Variants in HSP90AA1 observed in about 807,000 individuals in gnomAD.
The protein encoded by HSP90AA1 is heat shock protein 90 alpha family class A member 1.
Under a neutral mutation model 73.3 loss-of-function variants are expected in HSP90AA1, and 18 were observed. The ratio of observed to expected loss-of-function variants is 0.25; its 90% CI spans 0.17 to 0.36. The LOEUF is 0.36. Among genes scored for constraint, HSP90AA1 ranks in the 10% least tolerant of loss-of-function variants. The pLI, the probability that HSP90AA1 is intolerant of heterozygous loss-of-function variation, is 1.00. For missense variants in HSP90AA1, 704 were observed against 874.2 expected (o/e 0.81, Z 2.45); for synonymous variants, 477 against 296.9 (o/e 1.61, Z -6.24).
At chr14:102,133,991 A>C (rs750901283) in intron 1 of HSP90AA1, among the ~76,000 whole-genome samples, 2 of 151,904 alleles carry the variant, frequency 1.3e-5, no homozygotes, top group Non-Finnish European at 2.9e-5. Flanking sequence ...TCTCTACTAA[A>C]AATACAAAAA....
At chr14:102,108,019 C>A (rs374711964) in intron 1 of HSP90AA1, among the ~76,000 whole-genome samples, 1 of 151,334 alleles carries the variant, frequency 6.6e-6, no homozygotes, top group East Asian at 1.9e-4. Context: ...AATACCAGCA[C>A]TTTGGGACGC....
intron 6 of HSP90AA1, 131 bp downstream of exon 6, chr14:102,084,268 A>C (rs2049168986): frequency 1.2e-6 from 1 of 837,234 alleles, no homozygotes; most frequent in Non-Finnish European, 2.0e-6. Flanking sequence ...CTGGTCTTGA[A>C]CTCCTGACCT....
intron 1 of HSP90AA1, among the ~76,000 whole-genome samples, chr14:102,106,806 A>G (rs1467522929): frequency 1.3e-5 from 2 of 151,936 alleles, no homozygotes; most frequent in Non-Finnish European, 2.9e-5. Flanking sequence ...GGCCTCCCAA[A>G]GTGCAAGGAT....
intron 1 of HSP90AA1, among the ~76,000 whole-genome samples, chr14:102,131,946 G>A (rs1279495295): frequency 1.3e-5 from 2 of 152,172 alleles, no homozygotes; most frequent in East Asian, 3.8e-4. Flanking sequence ...TCAAAAATGT[G>A]AGAATACAGG....
rs768456667 is a variant in HSP90AA1 at position 102,084,448 on chromosome 14, G to A, written c.1098C>T (p.Arg366=). The A allele has an allele frequency of 6.2e-7, 1 of 1,613,572 alleles. No individual in the cohort carries two copies. The highest frequency in any genetic ancestry group is 8.5e-7 in the Non-Finnish European group (1 of 1,179,476). The change falls in exon 6 of 11, where the codon CGC becomes CGT. Residue 366 remains arginine, a synonymous_variant. Transcript: ENST00000216281. The part of the protein sequence containing the change: ...KKKNNIKLYV[R]RVFIMDNCEE... Reference sequence around the variant, plus strand: ...CACAGTTATCCATGATGAAAACTCTGCGTACATACAATTTGATGTTGTTCT... The same window carrying A: ...CACAGTTATCCATGATGAAAACTCTACGTACATACAATTTGATGTTGTTCT...
At chr14:102,115,145 A>T (rs1211106354) in intron 1 of HSP90AA1, among the ~76,000 whole-genome samples, 1 of 150,572 alleles carries the variant, frequency 6.6e-6, no homozygotes, top group African/African-American at 2.4e-5. Context: ...AGAAAAAAAA[A>T]AAAATTAGCT....
chr14:102,085,475 G>C (rs778840726), intron 3 of HSP90AA1, 44 bp from the exon 4 acceptor site: 1 of 1,544,840 alleles, frequency 6.5e-7, no homozygotes, highest in Non-Finnish European at 8.9e-7. Context: ...ATTCAATTTA[G>C]TGCTCAACGC....
chr14:102,119,655 A>G (rs1003016847), intron 1 of HSP90AA1, among the ~76,000 whole-genome samples: 2 of 151,952 alleles, frequency 1.3e-5, no homozygotes, highest in Non-Finnish European at 2.9e-5. Context: ...TGCCTGGCTA[A>G]TTTTTGTATT....
At chr14:102,132,167 G>A (rs1180695073) in intron 1 of HSP90AA1, among the ~76,000 whole-genome samples, 1 of 152,134 alleles carries the variant, frequency 6.6e-6, no homozygotes, top group Non-Finnish European at 1.5e-5. Context: ...AAGAGATTGA[G>A]ACCATCCTGG....
intron 1 of HSP90AA1, among the ~76,000 whole-genome samples, chr14:102,103,094 T>C (rs1398231693): frequency 7.1e-6 from 1 of 140,950 alleles, no homozygotes; most frequent in Non-Finnish European, 1.5e-5. Context: ...GGCACAAGGA[T>C]CACTTGAACC....
intron 2 of HSP90AA1, among the ~76,000 whole-genome samples, chr14:102,100,498 TC>T (rs1053796456): frequency 6.9e-6 from 1 of 145,916 alleles, no homozygotes; most frequent in African/African-American, 2.5e-5. Flanking sequence ...CGATCTCAGC[TC>T]CCCACAACCT....
rs371767980 is a variant in HSP90AA1, at chr14:102,084,583, A to G, written c.982-19T>C. The G allele has an allele frequency of 8.9e-5, 144 of 1,614,094 alleles. No individual in the cohort carries two copies. The highest frequency in any genetic ancestry group is 1.2e-4 in the Non-Finnish European group (139 of 1,180,032). ...AAAAATGCTGTAATAAAACAGATAC[A>G]CTAAGTACCAATGAACAATGCATTA... On this transcript the variant is annotated intron_variant, in intron 5 of 10. Coordinates refer to ENST00000216281, the MANE Select transcript of HSP90AA1 (RefSeq NM_005348.4).
chr14:102,084,974 C>G lies in HSP90AA1; in HGVS notation c.688G>C (p.Val230Leu). ...LFVEKERDKE[V>L]SDDEAEEKED... Reference sequence around the variant, plus strand: ...TTTTCTTCAGCCTCATCATCGCTTACTTCTTTATCACGTTCCTTCTCCACC... The same window carrying G: ...TTTTCTTCAGCCTCATCATCGCTTAGTTCTTTATCACGTTCCTTCTCCACC... Residue 230 changes from valine to leucine, a missense_variant, in exon 5 of 11, where the codon GTA becomes CTA. By Grantham distance (32) the Val-to-Leu change is conservative. Transcript: ENST00000216281. The G allele has an allele frequency of 6.2e-7, 1 of 1,612,672 alleles. No individual in the cohort carries two copies. Among genetic ancestry groups the G allele is most frequent in the Non-Finnish European group, 8.5e-7 (1 of 1,178,726 alleles).
rs1000314767 is a variant in HSP90AA1, at chr14:102,114,017, A to T, written c.156-11932T>A. Among the ~76,000 whole-genome samples the T allele has an allele frequency of 2.7e-5, 4 of 148,356 alleles. No individual in the cohort carries two copies. The East Asian group carries it at 6.0e-4, about 22-fold the overall frequency. ...GAGCCACTGCACCCCGCCCCCATTT[A>T]TTTTATTTATTTATTTTTTGTTACA... On this transcript the variant is annotated intron_variant, in intron 1 of 11. Transcript: ENST00000334701.
At chr14:102,121,633 A>G (rs1224386482) in intron 1 of HSP90AA1, among the ~76,000 whole-genome samples, 1 of 152,208 alleles carries the variant, frequency 6.6e-6, no homozygotes, top group African/African-American at 2.4e-5. Context: ...TATCAATTTT[A>G]TATTGATAAT....
Position 102,083,308 on chromosome 14 carries a change from G to GT in HSP90AA1, c.1487-7dup, listed in dbSNP as rs755121114. 1 of 1,613,968 alleles carries GT rather than the reference G, an allele frequency of 6.2e-7. No homozygotes were observed. Among genetic ancestry groups the GT allele is most frequent in the East Asian group, 2.2e-5 (1 of 44,886 alleles). ...TACCTGGTCCTTGGTCTCACCTGAGGTATTACAAAGTTACTTTTAGACCTT... is the reference window on the plus strand; with the variant it reads ...TACCTGGTCCTTGGTCTCACCTGAGGTTATTACAAAGTTACTTTTAGACCTT... On this transcript the variant is annotated splice_polypyrimidine_tract_variant and splice_region_variant and intron_variant, in intron 8 of 10. Transcript: ENST00000216281.
intron 2 of HSP90AA1, among the ~76,000 whole-genome samples, chr14:102,092,169 A>G (rs557204716): frequency 6.6e-6 from 1 of 151,738 alleles, no homozygotes; most frequent in Non-Finnish European, 1.5e-5. Flanking sequence ...CCTGGGTTCA[A>G]GCAATTCTCA....
At chr14:102,101,545 C>T (rs2049493301) in intron 2 of HSP90AA1, among the ~76,000 whole-genome samples, 1 of 152,240 alleles carries the variant, frequency 6.6e-6, no homozygotes, top group Non-Finnish European at 1.5e-5. Context: ...CAAGGCGCAG[C>T]TCACAAGCCA....
chr14:102,091,610 A>T (rs1215324276), upstream of HSP90AA1, among the ~76,000 whole-genome samples: 1 of 151,874 alleles, frequency 6.6e-6, no homozygotes, highest in East Asian at 2.0e-4. Context: ...TGGGCAACAG[A>T]GTGAGACTGT....
Sources: gnomAD v4.1 joint callset for allele counts (sites outside exome capture counted in the v4.1 genomes callset) on GRCh38, gnomAD v4.1.1 for gene constraint, MANE v1.5 for transcripts, NCBI Gene and HGNC (gene_info 2026-07-23, HGNC 2026-07-21) for gene names.